Variants in CARD10 observed in about 807,000 individuals in gnomAD.
CARD10 encodes caspase recruitment domain family member 10, also known as caspase recruitment domain-containing protein 10.
Under a neutral mutation model 114.6 loss-of-function variants are expected in CARD10, and 49 were observed. That is an observed-to-expected ratio of 0.43 (90% CI 0.34 to 0.54). The LOEUF is 0.54. CARD10 is among the 20% of genes least tolerant of loss of function. The pLI is 0.03. For synonymous variants in CARD10, 602 were observed against 593.2 expected (o/e 1.01, Z -0.21); for missense variants, 1,206 against 1,397.2 (o/e 0.86, Z 2.18).
Position 37,508,698 on chromosome 22 carries a change from C to G in CARD10, c.910-16G>C. ...GGCTCGCCTCCTGGGGATCACAGGGCAGGGCCACCTCAGGGTCTGGCTAGG... is the reference window on the plus strand; with the variant it reads ...GGCTCGCCTCCTGGGGATCACAGGGGAGGGCCACCTCAGGGTCTGGCTAGG... On this transcript the variant is annotated splice_polypyrimidine_tract_variant and intron_variant, in intron 4 of 19. Transcript: ENST00000251973. 1 of 1,542,462 alleles carries G rather than the reference C, an allele frequency of 6.5e-7. No individual in the cohort carries two copies. Among genetic ancestry groups the G allele is most frequent in the East Asian group, 2.4e-5 (1 of 41,500 alleles).
Position 37,510,224 on chromosome 22 carries a change from C to T in CARD10, c.897G>A (p.Glu299=). The part of the protein sequence containing the change: ...RLTASLRELQ[E]GLQQEASRPG... ...CTGGCCCTGGTACCTGCTGCAGGCCCTCCTGCAACTCCCGCAGTGACGCCG... is the reference window on the plus strand; with the variant it reads ...CTGGCCCTGGTACCTGCTGCAGGCCTTCCTGCAACTCCCGCAGTGACGCCG... The change falls in exon 4 of 20, where the codon GAG becomes GAA. Residue 299 remains glutamate, a synonymous_variant. Coordinates refer to ENST00000251973, the MANE Select transcript of CARD10 (RefSeq NM_014550.4). 6.2e-7 allele frequency: 1 copy of T among 1,600,706 alleles called. No homozygotes were observed. Among genetic ancestry groups the T allele is most frequent in the Non-Finnish European group, 8.5e-7 (1 of 1,179,842 alleles).
chr22:37,503,931 A>T, intron 9 of CARD10: 1 of 657,064 alleles, frequency 1.5e-6, no homozygotes, highest in Non-Finnish European at 2.9e-6. Context: ...TCAAGGCTTG[A>T]CCCCCAGTGA....
Position 37,492,818 on chromosome 22 carries a change from G to A in CARD10, c.2477-16C>T, listed in dbSNP as rs1922855060. ...CGCTCCGGCTCTGTGGCAGGGGAGG[G>A]GCGCAAAAGAGATAAGGGCACAGGC... On this transcript the variant is annotated splice_polypyrimidine_tract_variant and intron_variant, in intron 16 of 19. Coordinates refer to ENST00000251973, the MANE Select transcript of CARD10 (RefSeq NM_014550.4). This position sits in a 1 kb window ranked among gnomAD's most constrained non-coding sequence, Gnocchi z 5.7. 3 of 1,606,876 alleles carry A rather than the reference G, an allele frequency of 1.9e-6. No individual in the cohort carries two copies. The highest frequency in any genetic ancestry group is 1.7e-5 in the Admixed American group (1 of 59,816).
intron 7 of CARD10, 143 bp downstream of exon 7, chr22:37,506,049 C>T: frequency 3.3e-6 from 2 of 603,720 alleles, no homozygotes; most frequent in South Asian, 3.2e-5. Context: ...CCGCCCCTAA[C>T]TGAGGACTCT....
chr22:37,519,034 A>G lies in CARD10; in HGVS notation c.167T>C (p.Val56Ala). ...KLTPYLRQCR[V>A]IDEQDEEEVL... Reference sequence around the variant, plus strand: ...CTCCTCCTCGTCCTGCTCGTCGATGACCCGGCACTGGCGCAGATACGGCGT... The same window carrying G: ...CTCCTCCTCGTCCTGCTCGTCGATGGCCCGGCACTGGCGCAGATACGGCGT... The change falls in exon 1 of 20, where the codon GTC becomes GCC. Residue 56 changes from valine (V) to alanine (A), a missense_variant. Transcript: ENST00000251973. This position sits in a 1 kb window ranked among gnomAD's most constrained non-coding sequence, Gnocchi z 4.1. The G allele has an allele frequency of 6.3e-7, 1 of 1,594,918 alleles. No individual in the cohort carries two copies.
In CARD10 at chr22:37,515,996, G is replaced by T; in HGVS notation, c.676C>A (p.Arg226Ser). 1 of 1,590,396 alleles carries T rather than the reference G, an allele frequency of 6.3e-7. No homozygotes were observed. The highest frequency in any genetic ancestry group is 1.1e-5 in the South Asian group (1 of 88,464). Residue 226 changes from arginine to serine, a missense_variant, in exon 3 of 20, where the codon CGC becomes AGC. Arg to Ser is a moderately radical substitution (Grantham distance 110). Around this residue, in one of 2 missense-constraint regions of CARD10, gnomAD observed 1,068 missense variants for 1,179.1 expected, o/e 0.91. Coordinates refer to ENST00000251973, the MANE Select transcript of CARD10 (RefSeq NM_014550.4). ...ACCGCCAGCTGCAGGTCACGGCTGC[G>T]AAGTACAGCCGAGTTCTTCTCCTCA... is the stretch of plus-strand genomic sequence containing the variant. Reference protein sequence around the residue: ...LSEEKNSAVLRSRDLQLAVDQ... With the variant: ...LSEEKNSAVLSSRDLQLAVDQ...
chr22:37,504,070 T>C (rs1157207721), intron 9 of CARD10, 116 bp downstream of exon 9: 1 of 788,558 alleles, frequency 1.3e-6, no homozygotes, highest in Non-Finnish European at 2.2e-6. Flanking sequence ...CTGAGGGCAA[T>C]AAAGGGAAGT....
chr22:37,497,232 G>A lies in CARD10; in HGVS notation c.1788-54C>T, dbSNP rs143131148. 7.5e-5 allele frequency: 115 copies of A among 1,535,544 alleles called. 5 individuals are homozygous for A. In the African/African-American group the frequency reaches 1.4e-3, roughly 18 times the overall value. On this transcript the variant is annotated intron_variant, in intron 11 of 19. Transcript: ENST00000251973. ...GGAGTCCAATCAGTACTTGGATTCAGTTCAGCATTCTTGGAAAACCACAGT... is the reference window on the plus strand; with the variant it reads ...GGAGTCCAATCAGTACTTGGATTCAATTCAGCATTCTTGGAAAACCACAGT...
chr22:37,513,567 A>G (rs898054431), intron 3 of CARD10, among the ~76,000 whole-genome samples: 1 of 151,880 alleles, frequency 6.6e-6, no homozygotes, highest in Admixed American at 6.6e-5. Flanking sequence ...ACATCTCCCA[A>G]TCGCATCACA....
At chr22:37,505,864 G>T (rs1401265308) in intron 7 of CARD10, among the ~76,000 whole-genome samples, 1 of 152,110 alleles carries the variant, frequency 6.6e-6, no homozygotes, top group Non-Finnish European at 1.5e-5. Context: ...TGAGGCCCAG[G>T]TTTTGCATTC....
rs763246790 is a variant in CARD10 at position 37,492,501 on chromosome 22, G to C, written c.2685C>G (p.Pro895=). 15 of 1,604,260 alleles carry C rather than the reference G, an allele frequency of 9.4e-6. No individual in the cohort carries two copies. Among genetic ancestry groups the C allele is most frequent in the Non-Finnish European group, 1.3e-5 (15 of 1,174,208 alleles). The change falls in exon 18 of 20, where the codon CCC becomes CCG. Residue 895 remains proline (P), a synonymous_variant. Transcript: ENST00000251973. The surrounding 1 kb of genome is among the most constrained non-coding windows in gnomAD (Gnocchi z 5.7). ...ELCPSSAPGA[P]KAQPATPGLG... ...GCCCAGGGGTGGCAGGCTGAGCCTT[G>C]GGGGCTCCAGGCGCTGAGGATGGGC...
At chr22:37,499,750 C>T (rs192334180) in intron 11 of CARD10, among the ~76,000 whole-genome samples, 1 of 152,246 alleles carries the variant, frequency 6.6e-6, no homozygotes, top group African/African-American at 2.4e-5. Flanking sequence ...TCGGAGTCTG[C>T]AGAGCCCACA....
intron 3 of CARD10, among the ~76,000 whole-genome samples, chr22:37,510,976 G>A (rs1296938148): frequency 6.6e-6 from 1 of 151,908 alleles, no homozygotes; most frequent in Non-Finnish European, 1.5e-5. Flanking sequence ...CAGCTACTAG[G>A]GAGATTGAGG....
chr22:37,503,061 C>CG, intron 10 of CARD10, 124 bp downstream of exon 10: 1 of 1,101,762 alleles, frequency 9.1e-7, no homozygotes, highest in Non-Finnish European at 1.3e-6. Flanking sequence ...GCAGGGGCCA[C>CG]GGCGGGGCTT....
At chr22:37,513,241 C>T (rs935443909) in intron 3 of CARD10, among the ~76,000 whole-genome samples, 7 of 151,880 alleles carry the variant, frequency 4.6e-5, no homozygotes, top group African/African-American at 1.7e-4. Context: ...CTCCCGAGTC[C>T]CTGAGACCAC....
chr22:37,507,551 T>C (rs986537970), intron 6 of CARD10, among the ~76,000 whole-genome samples: 1 of 152,216 alleles, frequency 6.6e-6, no homozygotes, highest in African/African-American at 2.4e-5. Flanking sequence ...GTCTTTGAGA[T>C]GGACAGAACA....
In CARD10 at chr22:37,492,911, G is replaced by T; in HGVS notation, c.2477-109C>A. On this transcript the variant is annotated intron_variant, in intron 16 of 19. Coordinates refer to ENST00000251973, the MANE Select transcript of CARD10 (RefSeq NM_014550.4). The surrounding 1 kb of genome is among the most constrained non-coding windows in gnomAD (Gnocchi z 5.7). ...CACCCATCCCTTCCTAAGTCCTGCT[G>T]CTGCTCCTCCTACACATGCACACAC... 1.7e-6 allele frequency: 2 copies of T among 1,176,806 alleles called. No homozygotes were observed. The highest frequency in any genetic ancestry group is 1.5e-5 in the African/African-American group (1 of 65,688). The allele number at this position is 1,176,806 out of a possible 1,614,324, so 72.9% of individuals were successfully genotyped here.
intron 2 of CARD10, among the ~76,000 whole-genome samples, chr22:37,517,173 G>A (rs886695788): frequency 2.0e-5 from 3 of 152,148 alleles, no homozygotes; most frequent in Non-Finnish European, 2.9e-5. Context: ...TCCATCAACT[G>A]GAAATGGGTT....
chr22:37,517,709 T>C (rs1464328752), intron 2 of CARD10, among the ~76,000 whole-genome samples: 1 of 152,114 alleles, frequency 6.6e-6, no homozygotes, highest in African/African-American at 2.4e-5. Context: ...TACATCTGTG[T>C]ATGTCAGACA....
Sources: allele counts gnomAD v4.1 joint callset (sites outside exome capture counted in the v4.1 genomes callset), GRCh38; gene constraint gnomAD v4.1.1; regional missense constraint gnomAD v4.1.1; non-coding constraint Gnocchi (gnomAD v3.1); transcripts MANE v1.5; gene names NCBI Gene and HGNC (gene_info 2026-07-23, HGNC 2026-07-21).